HDAC5: variants seen among roughly 807,000 people sequenced by gnomAD.
HDAC5 encodes antigen NY-CO-9.
A neutral mutation model predicts 133.3 loss-of-function variants in HDAC5; 25 were observed. The ratio of observed to expected loss-of-function variants is 0.19; its 90% confidence interval spans 0.14 to 0.26. HDAC5 has a LOEUF of 0.26. HDAC5 is among the 10% of genes least tolerant of loss of function. The pLI is 1.00. For synonymous variants in HDAC5, 589 were observed against 610.8 expected (o/e 0.96, Z 0.53); for missense variants, 1,041 against 1,460.5 (o/e 0.71, Z 4.68).
At chr17:44,092,922 T>C (rs1414195260) in intron 6 of HDAC5, 116 bp from the exon 7 acceptor site, 4 of 648,938 alleles carry the variant, frequency 6.2e-6, no homozygotes, top group Non-Finnish European at 8.0e-6. Flanking sequence ...GAAGAGGACG[T>C]GGATCTTGGG....
Position 44,087,679 on chromosome 17 carries a change from C to T in HDAC5, c.1617G>A (p.Gly539=). The change falls in exon 13 of 27, where the codon GGG becomes GGA. Residue 539 remains glycine (G), a synonymous_variant. Transcript: ENST00000682912. ...GGGTGGTGGGCTGCCTGGGCAGCTC[C>T]CCTGTCTTGGTGAGGATCTGATAAC... ...LQLGKILTKT[G]ELPRQPTTHP... is the part of the protein sequence containing the mutation. The T allele has an allele frequency of 6.2e-7, 1 of 1,600,232 alleles. No homozygotes were observed. The highest frequency in any genetic ancestry group is 8.5e-7 in the Non-Finnish European group (1 of 1,172,712).
intron 1 of HDAC5, among the ~76,000 whole-genome samples, chr17:44,119,624 C>T (rs2052862927): frequency 6.6e-6 from 1 of 152,230 alleles, no homozygotes; most frequent in African/African-American, 2.4e-5. Flanking sequence ...GCCCTGTCCA[C>T]CTGTAAAGAG....
At chr17:44,089,390 C>T (rs1341841812) in intron 11 of HDAC5, among the ~76,000 whole-genome samples, 2 of 151,944 alleles carry the variant, frequency 1.3e-5, no homozygotes, top group Non-Finnish European at 2.9e-5. Context: ...AGGTGGATCA[C>T]TTGAGGTCAG....
chr17:44,111,477 G>T (rs577871555), intron 2 of HDAC5: 56 of 436,296 alleles, frequency 1.3e-4, no homozygotes, highest in African/African-American at 1.0e-3. Context: ...CGCCGGCCAG[G>T]GTACCCATGC....
chr17:44,095,976 G>A (rs568493447), intron 3 of HDAC5, among the ~76,000 whole-genome samples: 1 of 152,208 alleles, frequency 6.6e-6, no homozygotes, highest in South Asian at 2.1e-4. Context: ...GGGAGTGCAC[G>A]AAGTTCCAAT....
intron 23 of HDAC5, among the ~76,000 whole-genome samples, chr17:44,079,880 G>T (rs1307310636): frequency 6.6e-6 from 1 of 152,058 alleles, no homozygotes; most frequent in Non-Finnish European, 1.5e-5. Flanking sequence ...TACAGCTCCG[G>T]CAGGATACAT....
chr17:44,082,893 A>C, intron 18 of HDAC5, 73 bp from the exon 19 acceptor site: 1 of 1,304,880 alleles, frequency 7.7e-7, no homozygotes, highest in Non-Finnish European at 1.1e-6. Flanking sequence ...CACAGGACAG[A>C]AGCACAAGCC....
chr17:44,110,760 C>T lies in HDAC5; in HGVS notation c.63G>A (p.Pro21=), dbSNP rs770492573. The T allele has an allele frequency of 1.7e-5, 27 of 1,613,808 alleles. No homozygotes were observed. In the South Asian group the frequency reaches 2.3e-4, roughly 14 times the overall value. ...CAGGGATGCTGTGCAGAGAAGTCCG[C>T]GGCAGGATTTCCAAGGATGGTTCCC... is the stretch of plus-strand genomic sequence containing the variant. ...SGREPSLEIL[P]RTSLHSIPVT... is the part of the protein sequence containing the mutation. Residue 21 remains proline, a synonymous_variant, in exon 3 of 27, where the codon CCG becomes CCA. Transcript: ENST00000682912.
chr17:44,078,260 G>A lies in HDAC5; in HGVS notation c.*116C>T. The A allele has an allele frequency of 4.5e-6, 5 of 1,120,968 alleles. No homozygotes were observed. Among genetic ancestry groups the A allele is most frequent in the Non-Finnish European group, 6.2e-6 (5 of 812,324 alleles). 69.4% of individuals were successfully genotyped at this position (1,120,968 alleles called of 1,614,324 possible). Reference sequence around the variant, plus strand: ...CTGAGGCAGCGTAGAGGAGCAGGAGGGGCAAGGCTGAGAGACCCACACGGC... The same window carrying A: ...CTGAGGCAGCGTAGAGGAGCAGGAGAGGCAAGGCTGAGAGACCCACACGGC... On this transcript the variant is annotated 3_prime_UTR_variant, in exon 27 of 27. Transcript: ENST00000682912.
In HDAC5 at chr17:44,092,703, G is replaced by C. The variant is rs758326711; in HGVS notation, c.745C>G (p.Arg249Gly). Residue 249 changes from arginine (R) to glycine (G), a missense_variant, in exon 7 of 27, where the codon CGA (arginine) becomes GGA (glycine). This residue lies in a region of HDAC5 where 56 missense variants were observed against 41.3 expected (regional missense o/e 1.36). Coordinates refer to ENST00000682912, the MANE Select transcript of HDAC5 (RefSeq NM_005474.5). ...GTTTTGCGGAGGGGGAAGTCGTCTC[G>C]ACTGTCGTAGGGCCCAGGCAAAGGC... ...KLPLPGPYDS[R>G]DDFPLRKTAS... 1 of 1,515,306 alleles carries C rather than the reference G, an allele frequency of 6.6e-7. No homozygotes were observed. Among genetic ancestry groups the C allele is most frequent in the South Asian group, 1.3e-5 (1 of 75,770 alleles). The allele number at this position is 1,515,306 out of a possible 1,614,324, so 93.9% of individuals were successfully genotyped here.
intron 10 of HDAC5, 104 bp from the exon 11 acceptor site, chr17:44,091,596 C>T (rs1475520943): frequency 4.7e-6 from 7 of 1,493,080 alleles, no homozygotes; most frequent in Non-Finnish European, 6.3e-6. Context: ...GTAGGGCCAA[C>T]AGATCTCCCT....
At chr17:44,120,989 A>G (rs547668176) in intron 1 of HDAC5, among the ~76,000 whole-genome samples, 1 of 152,096 alleles carries the variant, frequency 6.6e-6, no homozygotes, top group South Asian at 2.1e-4. Context: ...AGGGAAGGAA[A>G]AAAGGCACCA....
rs959572175 is a variant in HDAC5, at chr17:44,077,343, C to G, written c.*1033G>C. On this transcript the variant is annotated 3_prime_UTR_variant, in exon 27 of 27. Transcript: ENST00000682912. ...AGGGAGCCCAGAAGGTATGGAAGCT[C>G]CAGCTGAGAGCCGACTCCTGGATCC... 6.6e-6 allele frequency: 1 copy of G among 152,564 alleles called. No homozygotes were observed. The highest frequency in any genetic ancestry group is 1.5e-5 in the Non-Finnish European group (1 of 68,130). 9.5% of individuals were successfully genotyped at this position (152,564 alleles called of 1,614,324 possible). A position where few individuals can be genotyped will look rare whatever the true frequency, so the allele number is the denominator to read the frequency against.
intron 24 of HDAC5, 95 bp downstream of exon 24, chr17:44,079,049 G>A: frequency 1.3e-6 from 2 of 1,545,768 alleles, no homozygotes; most frequent in South Asian, 1.2e-5. Flanking sequence ...TAGGACCAAG[G>A]AAAAGCTTCC....
Position 44,091,398 on chromosome 17 carries a change from G to T in HDAC5, c.1259C>A (p.Thr420Lys). The T allele has an allele frequency of 6.3e-7, 1 of 1,577,556 alleles. No individual in the cohort carries two copies. Among genetic ancestry groups the T allele is most frequent in the Non-Finnish European group, 8.6e-7 (1 of 1,162,220 alleles). The change falls in exon 11 of 27, where the codon ACA becomes AAA. Residue 420 changes from threonine to lysine, a missense_variant. By Grantham distance (78) the Thr-to-Lys change is moderately conservative. Around this residue, in one of 9 missense-constraint regions of HDAC5, gnomAD observed 433 missense variants for 531.6 expected, o/e 0.81. Coordinates refer to ENST00000682912, the MANE Select transcript of HDAC5 (RefSeq NM_005474.5). Reference sequence around the variant, plus strand: ...CAGCAGGCAGCCAGGAATAGAGGATGTGCTCATGAACTTGCCGGTCAGCGT... The same window carrying T: ...CAGCAGGCAGCCAGGAATAGAGGATTTGCTCATGAACTTGCCGGTCAGCGT... Reference protein sequence around the residue: ...GGTLTGKFMSTSSIPGCLLGV... With the variant: ...GGTLTGKFMSKSSIPGCLLGV...
intron 2 of HDAC5, among the ~76,000 whole-genome samples, chr17:44,113,668 G>T (rs1174207275): frequency 6.6e-6 from 1 of 152,124 alleles, no homozygotes; most frequent in Non-Finnish European, 1.5e-5. Context: ...CCAGAGCCAG[G>T]ACTGTCTTCC....
At chr17:44,083,069 C>T (rs994703772) in intron 18 of HDAC5, among the ~76,000 whole-genome samples, 4 of 152,104 alleles carry the variant, frequency 2.6e-5, no homozygotes, top group South Asian at 2.1e-4. Flanking sequence ...ACCTTGGCCT[C>T]CCAGGCTCAG....
At position 44,117,359 on chromosome 17, in the gene HDAC5, A is replaced by G. The variant is rs932208722; in HGVS notation, c.22+135T>C. 2.0e-6 allele frequency: 2 copies of G among 990,132 alleles called. No homozygotes were observed. Among genetic ancestry groups the G allele is most frequent in the African/African-American group, 3.2e-5 (2 of 62,798 alleles). 61.3% of individuals were successfully genotyped at this position (990,132 alleles called of 1,614,324 possible). ...TACCTCATGGGCCCTTTCTTGCAAC[A>G]CTTCTCCACTCCTTACCCCCTCATT... On this transcript the variant is annotated intron_variant, in intron 2 of 26. Coordinates refer to ENST00000682912, the MANE Select transcript of HDAC5 (RefSeq NM_005474.5). This position sits in a 1 kb window ranked among gnomAD's most constrained non-coding sequence, Gnocchi z 4.2.
At chr17:44,100,352 G>C (rs1038048577) in intron 3 of HDAC5, among the ~76,000 whole-genome samples, 4 of 151,968 alleles carry the variant, frequency 2.6e-5, no homozygotes, top group African/African-American at 9.7e-5. Flanking sequence ...GAGAAGCCCT[G>C]GGGGGAGGGA....
Sources: gnomAD v4.1 joint callset for allele counts (sites outside exome capture counted in the v4.1 genomes callset) on GRCh38, gnomAD v4.1.1 for gene constraint, gnomAD v4.1.1 regional missense constraint, Gnocchi (gnomAD v3.1) non-coding constraint, MANE v1.5 for transcripts, NCBI Gene and HGNC (gene_info 2026-07-23, HGNC 2026-07-21) for gene names.